Variants in ZFHX3 observed in about 807,000 individuals in gnomAD.
The protein encoded by ZFHX3 is zinc finger homeobox protein 3.
A neutral mutation model predicts 279.1 loss-of-function variants in ZFHX3; 42 were observed. The observed-to-expected ratio is 0.15, with a 90% CI of 0.12 to 0.19. The LOEUF (loss-of-function observed/expected upper bound fraction) is 0.19, where lower values mean the gene tolerates loss of function less well. Among genes scored for constraint, ZFHX3 ranks in the 10% least tolerant of loss-of-function variants. The pLI is 1.00. For synonymous variants in ZFHX3, 2,293 were observed against 1,957.8 expected, an observed-to-expected ratio of 1.17 and a Z score of -4.52; for missense variants, 4,981 against 4,754.0, an observed-to-expected ratio of 1.05 and a Z score of -1.40.
At chr16:73,385,640 A>G (rs2016887712) in intron 3 of ZFHX3, among the ~76,000 whole-genome samples, 1 of 152,226 alleles carries the variant, frequency 6.6e-6, no homozygotes, top group South Asian at 2.1e-4. Flanking sequence ...ACAGAGAGGA[A>G]GTGGCAGCTA....
chr16:72,951,008 T>G lies in ZFHX3; in HGVS notation c.2720-43A>C, dbSNP rs768345691. ...AGGAGAGAGTCAGACACCAGGCTCATGGTCACGGCCACAGCTGAGGCACCC... is the reference window on the plus strand; with the variant it reads ...AGGAGAGAGTCAGACACCAGGCTCAGGGTCACGGCCACAGCTGAGGCACCC... On this transcript the variant is annotated intron_variant, in intron 2 of 9. Coordinates refer to ENST00000268489, the MANE Select transcript of ZFHX3 (RefSeq NM_006885.4). 25 of 1,585,184 alleles carry G rather than the reference T, an allele frequency of 1.6e-5. No homozygotes were observed. In the South Asian group the frequency reaches 2.3e-4, roughly 15 times the overall value.
chr16:73,064,495 G>A (rs1184612549), upstream of ZFHX3, among the ~76,000 whole-genome samples: 1 of 151,984 alleles, frequency 6.6e-6, no homozygotes, highest in Non-Finnish European at 1.5e-5. Context: ...GGGGCAAGGG[G>A]GAGGGAACAA....
At chr16:73,862,157 T>A (rs969364942) in intron 1 of ZFHX3, among the ~76,000 whole-genome samples, 2 of 152,180 alleles carry the variant, frequency 1.3e-5, no homozygotes, top group Non-Finnish European at 2.9e-5. Flanking sequence ...CCAGTAGCCA[T>A]GGCACCAGCT....
chr16:72,862,547 G>T (rs2143903515), intron 4 of ZFHX3, among the ~76,000 whole-genome samples: 1 of 152,294 alleles, frequency 6.6e-6, no homozygotes, highest in African/African-American at 2.4e-5. Flanking sequence ...AGGAGATTTG[G>T]GCAATGATCA....
intron 5 of ZFHX3, among the ~76,000 whole-genome samples, chr16:73,252,300 AG>A (rs1275881074): frequency 5.3e-5 from 8 of 152,164 alleles, no homozygotes; most frequent in African/African-American, 1.7e-4. Context: ...GCCAATGTAG[AG>A]GGGCCTACAG....
At chr16:73,389,633 A>G (rs562700024) in intron 3 of ZFHX3, among the ~76,000 whole-genome samples, 45 of 152,306 alleles carry the variant, frequency 3.0e-4, no homozygotes, top group African/African-American at 1.0e-3. Context: ...CTCACAGGGA[A>G]GCTGTGATGT....
chr16:73,476,219 A>T (rs993019612), intron 2 of ZFHX3, among the ~76,000 whole-genome samples: 1 of 151,824 alleles, frequency 6.6e-6, no homozygotes, highest in Admixed American at 6.6e-5. Flanking sequence ...AATATATCCA[A>T]CTGGTGTTGA....
intron 1 of ZFHX3, among the ~76,000 whole-genome samples, chr16:73,758,079 T>C (rs1292549076): frequency 6.6e-6 from 1 of 152,168 alleles, no homozygotes; most frequent in Non-Finnish European, 1.5e-5. Context: ...GAACATGATG[T>C]CCTGCCCAAA....
At chr16:73,839,100 A>T (rs1404700546) in intron 1 of ZFHX3, among the ~76,000 whole-genome samples, 1 of 151,900 alleles carries the variant, frequency 6.6e-6, no homozygotes, top group Non-Finnish European at 1.5e-5. Context: ...GAGCTAGCTT[A>T]TGTATGTTAT....
At chr16:72,992,711 A>G (rs1963138301) in intron 1 of ZFHX3, among the ~76,000 whole-genome samples, 1 of 152,240 alleles carries the variant, frequency 6.6e-6, no homozygotes, top group African/African-American at 2.4e-5. Flanking sequence ...GAGACTGACC[A>G]AGAAAGAAAT....
At chr16:73,487,568 TTTTTTA>T (rs1245620460) in intron 2 of ZFHX3, 1 of 318,666 alleles carries the variant, frequency 3.1e-6, no homozygotes, top group Non-Finnish European at 6.2e-6. Context: ...GCCCAGCTAA[TTTTTTA>T]TTTTTATTAT....
chr16:73,296,347 G>C (rs1567442949), intron 4 of ZFHX3, among the ~76,000 whole-genome samples: 1 of 152,150 alleles, frequency 6.6e-6, no homozygotes, highest in Non-Finnish European at 1.5e-5. Flanking sequence ...TTCCATGAAG[G>C]AAGGATGGGA....
intron 3 of ZFHX3, among the ~76,000 whole-genome samples, chr16:72,899,027 C>T (rs2038968881): frequency 6.6e-6 from 1 of 152,182 alleles, no homozygotes; most frequent in Admixed American, 6.5e-5. Context: ...CAGAAACAAC[C>T]TAGAGCTTCC....
intron 3 of ZFHX3, among the ~76,000 whole-genome samples, chr16:72,912,256 C>A (rs929674294): frequency 5.3e-5 from 8 of 152,156 alleles, no homozygotes; most frequent in Non-Finnish European, 1.0e-4. Flanking sequence ...CACTTAACAT[C>A]CTCATTAATT....
chr16:73,211,248 C>T (rs1265839056), intron 5 of ZFHX3, among the ~76,000 whole-genome samples: 2 of 152,134 alleles, frequency 1.3e-5, no homozygotes, highest in African/African-American at 2.4e-5. Context: ...CTTTAAGAAG[C>T]AGGTGAATAT....
intron 2 of ZFHX3, among the ~76,000 whole-genome samples, chr16:73,600,591 T>C (rs545245636): frequency 7.3e-4 from 111 of 152,118 alleles, no homozygotes; most frequent in African/African-American, 2.6e-3. Context: ...CCAATGTTTT[T>C]TTGTATTTTT....
chr16:73,098,414 T>A (rs1011552080), intron 7 of ZFHX3, among the ~76,000 whole-genome samples: 1 of 151,964 alleles, frequency 6.6e-6, no homozygotes, highest in South Asian at 2.1e-4. Flanking sequence ...TAGGCTGGAG[T>A]GCAGTGGCAT....
In ZFHX3 at chr16:72,835,693, T is replaced by G. The variant is rs911666230; in HGVS notation, c.3449-5834A>C. On this transcript the variant is annotated intron_variant, in intron 4 of 9. Coordinates refer to ENST00000268489, the MANE Select transcript of ZFHX3 (RefSeq NM_006885.4). ...TACAAGTGGCGTTTGCTGGTGTCTC[T>G]GTGGTGGGTGGAAGGAAGGACTCGG... Among the ~76,000 whole-genome samples the G allele has an allele frequency of 2.6e-5, 4 of 152,196 alleles. No individual in the cohort carries two copies. In the East Asian group the frequency reaches 7.7e-4, roughly 29 times the overall value.
At chr16:73,195,835 A>G (rs1968135520) in intron 5 of ZFHX3, among the ~76,000 whole-genome samples, 2 of 152,188 alleles carry the variant, frequency 1.3e-5, no homozygotes, top group African/African-American at 4.8e-5. Flanking sequence ...GAGGGGCCTG[A>G]CTGAACAGGT....
Sources: allele counts gnomAD v4.1 joint callset (sites outside exome capture counted in the v4.1 genomes callset), GRCh38; gene constraint gnomAD v4.1.1; transcripts MANE v1.5; gene names NCBI Gene and HGNC (gene_info 2026-07-23, HGNC 2026-07-21).